Variants in RBMS3 observed in about 807,000 individuals in gnomAD.
RBMS3 encodes RNA binding motif single stranded interacting protein 3.
Under a neutral mutation model 66.8 loss-of-function variants are expected in RBMS3, and 27 were observed. That is an observed-to-expected ratio of 0.40 (90% CI 0.30 to 0.56). RBMS3 has a LOEUF of 0.56. Among genes scored for constraint, RBMS3 ranks in the 20% least tolerant of loss-of-function variants. The pLI is 0.40. For synonymous variants in RBMS3, 188 were observed against 183.0 expected, an observed-to-expected ratio of 1.03 and a Z score of -0.22; for missense variants, 513 against 549.5, an observed-to-expected ratio of 0.93 and a Z score of 0.66.
chr3:29,310,945 A>G (rs1289320119), intron 1 of RBMS3, among the ~76,000 whole-genome samples: 5 of 151,808 alleles, frequency 3.3e-5, no homozygotes, highest in African/African-American at 1.2e-4. Flanking sequence ...AAACCAAAAC[A>G]AAACATAAAA....
chr3:29,681,510 T>TC (rs33998693), intron 4 of RBMS3, among the ~76,000 whole-genome samples: 90,905 of 147,316 alleles, frequency 0.62, 28,541 homozygotes, highest in African/African-American at 0.74. Flanking sequence ...CCCCACACAA[T>TC]CCCCCCAGAC....
intron 4 of RBMS3, among the ~76,000 whole-genome samples, chr3:29,723,476 A>G: frequency 6.6e-6 from 1 of 152,194 alleles, no homozygotes; most frequent in East Asian, 1.9e-4. Flanking sequence ...TTGTAACTTT[A>G]TCATATGTGT....
At chr3:29,511,221 C>T (rs1014602299) in intron 3 of RBMS3, among the ~76,000 whole-genome samples, 1 of 152,128 alleles carries the variant, frequency 6.6e-6, no homozygotes, top group Non-Finnish European at 1.5e-5. Context: ...CACTTGAACC[C>T]AGGAGCAGAG....
intron 1 of RBMS3, among the ~76,000 whole-genome samples, chr3:29,399,611 GT>G (rs1218713110): frequency 6.6e-6 from 1 of 152,160 alleles, no homozygotes; most frequent in African/African-American, 2.4e-5. Flanking sequence ...TTACATCAAT[GT>G]CCTGAATTTT....
chr3:29,992,804 A>AGAAAATTGATCAGATAT (rs1698972162), intron 14 of RBMS3, among the ~76,000 whole-genome samples: 1 of 151,812 alleles, frequency 6.6e-6, no homozygotes, highest in Non-Finnish European at 1.5e-5. Context: ...AATGTAGGGG[A>AGAAAATTGATCAGATAT]TGAGAAAATT....
At chr3:29,534,338 A>G (rs566547458) in intron 3 of RBMS3, among the ~76,000 whole-genome samples, 6 of 152,326 alleles carry the variant, frequency 3.9e-5, no homozygotes, top group African/African-American at 1.4e-4. Flanking sequence ...CAGATACGTC[A>G]TGCCTCCAAA....
intron 6 of RBMS3, among the ~76,000 whole-genome samples, chr3:29,787,747 G>A (rs1393420766): frequency 2.6e-5 from 4 of 152,056 alleles, no homozygotes; most frequent in African/African-American, 9.7e-5. Flanking sequence ...TATGCTGCTA[G>A]GGTCATGGGT....
At chr3:29,594,603 T>A (rs1265693003) in intron 4 of RBMS3, among the ~76,000 whole-genome samples, 1 of 152,202 alleles carries the variant, frequency 6.6e-6, no homozygotes, top group Non-Finnish European at 1.5e-5. Flanking sequence ...TAAGTATTAT[T>A]TTTCTCATGA....
At chr3:29,625,704 A>AAGTAAGTAAGTAAG (rs1553633445) in intron 4 of RBMS3, among the ~76,000 whole-genome samples, 11 of 133,268 alleles carry the variant, frequency 8.3e-5, no homozygotes, top group East Asian at 3.8e-4. Context: ...ATTAAAGTAA[A>AAGTAAGTAAGTAAG]TAAATAAATA....
rs1263057437 is a variant in RBMS3, at chr3:29,997,061, C to T, written c.1307+5852C>T. ...AAAAAAGAGAGAAGAATCAAATAGA[C>T]GCAATAAAAAATGATAAAGGGGATA... On this transcript the variant is annotated intron_variant, in intron 14 of 14. Transcript: ENST00000383767. 1.8e-3 allele frequency among the ~76,000 whole-genome samples: 268 copies of T among 151,190 alleles called. 2 individuals are homozygous for T. Among genetic ancestry groups the T allele is most frequent in the Admixed American group, 4.8e-3 (73 of 15,166 alleles).
intron 4 of RBMS3, among the ~76,000 whole-genome samples, chr3:29,607,092 G>A (rs2048340212): frequency 6.6e-6 from 1 of 152,056 alleles, no homozygotes; most frequent in South Asian, 2.1e-4. Context: ...CAAACATTCT[G>A]TGTGGGTTTC....
chr3:29,768,006 C>A (rs1169043104), intron 6 of RBMS3, among the ~76,000 whole-genome samples: 2 of 151,900 alleles, frequency 1.3e-5, no homozygotes, highest in East Asian at 3.9e-4. Context: ...TCAGGTGGCG[C>A]ATTGCTTCTC....
intron 6 of RBMS3, among the ~76,000 whole-genome samples, chr3:29,812,922 A>G (rs1181771952): frequency 6.6e-6 from 1 of 152,126 alleles, no homozygotes; most frequent in Non-Finnish European, 1.5e-5. Context: ...CTGTGTATGC[A>G]TATCACAGAT....
rs573823193 is a variant in RBMS3 at position 29,311,125 on chromosome 3, G to A, written c.75+29369G>A. 1.3e-4 allele frequency among the ~76,000 whole-genome samples: 19 copies of A among 151,856 alleles called. No homozygotes were observed. The South Asian group carries it at 3.9e-3, about 32-fold the overall frequency. ...GATTCAGTAGGTTAATGGGGCCAGT[G>A]AGCATGGCACTGGTTGATAAACAGA... is the stretch of plus-strand genomic sequence containing the variant. On this transcript the variant is annotated intron_variant, in intron 1 of 14. Coordinates refer to ENST00000383767, the MANE Select transcript of RBMS3 (RefSeq NM_001003793.3).
chr3:29,845,657 G>T (rs890478026), intron 6 of RBMS3, among the ~76,000 whole-genome samples: 1 of 152,096 alleles, frequency 6.6e-6, no homozygotes, highest in Non-Finnish European at 1.5e-5. Flanking sequence ...ATAAACAATG[G>T]ACAAAATACA....
intron 8 of RBMS3, among the ~76,000 whole-genome samples, chr3:29,884,445 T>TCTCC (rs2059813387): frequency 1.6e-5 from 2 of 127,124 alleles, no homozygotes; most frequent in African/African-American, 6.0e-5. Context: ...TCTCTCTCTC[T>TCTCC]CTCTCTCTCT....
intron 12 of RBMS3, among the ~76,000 whole-genome samples, chr3:29,965,949 T>C (rs1696815789): frequency 6.6e-6 from 1 of 152,196 alleles, no homozygotes; most frequent in South Asian, 2.1e-4. Flanking sequence ...TACATGTGGC[T>C]ACCAATTATC....
In RBMS3 at chr3:29,521,900, C is replaced by G. The variant is rs141173450; in HGVS notation, c.307+33401C>G. Among the ~76,000 whole-genome samples, 517 of 152,298 alleles carry G rather than the reference C, an allele frequency of 3.4e-3. 4 individuals carry two copies. Among genetic ancestry groups the G allele is most frequent in the African/African-American group, 0.012 (490 of 41,562 alleles). On this transcript the variant is annotated intron_variant, in intron 3 of 14. Coordinates refer to ENST00000383767, the MANE Select transcript of RBMS3 (RefSeq NM_001003793.3). ...TAATGCAGCTGACCTTGTGTATTTA[C>G]TAAAAGATAGCTACTGTTGACCTCT...
chr3:29,528,149 G>T (rs79876405), intron 3 of RBMS3, among the ~76,000 whole-genome samples: 2,201 of 125,040 alleles, frequency 0.018, 60 homozygotes, highest in African/African-American at 0.064. Context: ...GTCTCTCTCT[G>T]TCACCCAAGC....
Sources: allele counts gnomAD v4.1 joint callset (sites outside exome capture counted in the v4.1 genomes callset), GRCh38; gene constraint gnomAD v4.1.1; transcripts MANE v1.5; gene names NCBI Gene and HGNC (gene_info 2026-07-23, HGNC 2026-07-21).